Variants in MRPS11 observed in about 807,000 individuals in gnomAD.
MRPS11 encodes the protein small ribosomal subunit protein uS11m.
In MRPS11, 27 loss-of-function variants were observed where a neutral mutation model predicts 24.3. The ratio of observed to expected loss-of-function variants is 1.11; its 90% CI spans 0.82 to 1.53. The LOEUF (loss-of-function observed/expected upper bound fraction) is 1.53, where lower values mean the gene tolerates loss of function less well. Among genes scored for constraint, MRPS11 ranks in the 40% most tolerant of loss-of-function variants. The pLI is 0.00. For synonymous variants in MRPS11, 104 were observed against 98.7 expected (o/e 1.05, Z -0.32); for missense variants, 277 against 256.5 (o/e 1.08, Z -0.55).
rs763623238 is a variant in MRPS11 at position 88,478,018 on chromosome 15, C to T, written c.*39C>T. 3 of 1,522,138 alleles carry T rather than the reference C, an allele frequency of 2.0e-6. No homozygotes were observed. Among genetic ancestry groups the T allele is most frequent in the African/African-American group, 2.7e-5 (2 of 73,070 alleles). The allele number at this position is 1,522,138 out of a possible 1,614,324, so 94.3% of individuals were successfully genotyped here. A position where few individuals can be genotyped will look rare whatever the true frequency, so the allele number is the denominator to read the frequency against. On this transcript the variant is annotated 3_prime_UTR_variant, in exon 6 of 6. Coordinates refer to ENST00000325844, the MANE Select transcript of MRPS11 (RefSeq NM_022839.5). This position sits in a 1 kb window ranked among gnomAD's most constrained non-coding sequence, Gnocchi z 4.7. ...TGCACTTGGACCTGACCTCAAGCCT[C>T]AGCTCCAGTGGGACCTTGTAAAATG...
chr15:88,467,840 G>A lies in MRPS11; in HGVS notation c.65+58G>A, dbSNP rs114253630. ...CACCTCCAGGACTATGCTCCTACTCGTGTCCCTTGAGCCACCCGGGCCCCA... is the reference window on the plus strand; with the variant it reads ...CACCTCCAGGACTATGCTCCTACTCATGTCCCTTGAGCCACCCGGGCCCCA... On this transcript the variant is annotated intron_variant, in intron 1 of 5. Transcript: ENST00000325844. The A allele has an allele frequency of 2.3e-3, 3,660 of 1,612,954 alleles. 59 individuals carry two copies. The African/African-American group carries it at 0.041, about 18-fold the overall frequency.
chr15:88,474,513 C>T (rs1484974586), intron 3 of MRPS11, among the ~76,000 whole-genome samples: 12 of 150,094 alleles, frequency 8.0e-5, no homozygotes, highest in African/African-American at 1.8e-4. Context: ...GAGCCAAGAT[C>T]GTGCCATTGC....
Position 88,474,540 on chromosome 15 carries a change from CAA to C in MRPS11, c.282-569_282-568del, listed in dbSNP as rs2055781030. On this transcript the variant is annotated intron_variant, in intron 3 of 5. Coordinates refer to ENST00000325844, the MANE Select transcript of MRPS11 (RefSeq NM_022839.5). Reference sequence around the variant, plus strand: ...TGCCATTGCACTCCAGCCTGGGCAACAAGAGCAAAACTCCATCTCAAAAAAAA... The same window carrying C: ...TGCCATTGCACTCCAGCCTGGGCAACGAGCAAAACTCCATCTCAAAAAAAA... Among the ~76,000 whole-genome samples, 3 of 145,158 alleles carry C rather than the reference CAA, an allele frequency of 2.1e-5. No homozygotes were observed. In the South Asian group the frequency reaches 6.4e-4, roughly 31 times the overall value.
At chr15:88,468,508 A>C in intron 2 of MRPS11, 1 of 989,822 alleles carries the variant, frequency 1.0e-6, no homozygotes, top group Non-Finnish European at 1.2e-6. Context: ...ACATCCACTT[A>C]ACTTCACATC....
chr15:88,474,197 AAAAG>A (rs1199960977), intron 3 of MRPS11, among the ~76,000 whole-genome samples: 1 of 149,466 alleles, frequency 6.7e-6, no homozygotes, highest in Non-Finnish European at 1.5e-5. Context: ...AAAAAAGAAA[AAAAG>A]AGAAAAGTTT....
At position 88,472,676 on chromosome 15, in the gene MRPS11, A is replaced by C; in HGVS notation, c.232A>C (p.Lys78Gln). Residue 78 changes from lysine (K) to glutamine (Q), a missense_variant, in exon 3 of 6, where the codon AAG becomes CAG. Coordinates refer to ENST00000325844, the MANE Select transcript of MRPS11 (RefSeq NM_022839.5). ...GEESSLRWAGKKFEEIPIAHI... is the reference protein window; with the variant it reads ...GEESSLRWAGQKFEEIPIAHI... ...GGAGAGCTCTCTGAGGTGGGCAGGA[A>C]AGAAATTTGAGGAGATCCCAATTGC... is the stretch of plus-strand genomic sequence containing the variant. The C allele has an allele frequency of 4.3e-6, 7 of 1,614,140 alleles. No individual in the cohort carries two copies. The highest frequency in any genetic ancestry group is 5.9e-6 in the Non-Finnish European group (7 of 1,180,002).
Position 88,477,579 on chromosome 15 carries a change from C to G in MRPS11, c.478-293C>G, listed in dbSNP as rs541934264. ...GAGTAAGCTACAGAAGTATGATACC[C>G]AAGGTGTGCCAAGGTCTACAAGAAG... On this transcript the variant is annotated intron_variant, in intron 5 of 5. Coordinates refer to ENST00000325844, the MANE Select transcript of MRPS11 (RefSeq NM_022839.5). This position sits in a 1 kb window ranked among gnomAD's most constrained non-coding sequence, Gnocchi z 5.7. Among the ~76,000 whole-genome samples, 12 of 152,248 alleles carry G rather than the reference C, an allele frequency of 7.9e-5. No individual in the cohort carries two copies. The highest frequency in any genetic ancestry group is 3.9e-4 in the Admixed American group (6 of 15,298).
intron 2 of MRPS11, chr15:88,468,535 A>T (rs1192955834): frequency 4.0e-6 from 4 of 987,842 alleles, no homozygotes; most frequent in African/African-American, 1.7e-5. Context: ...ACAAACATTT[A>T]CCAAGAATCT....
At chr15:88,474,325 C>T (rs1437362295) in intron 3 of MRPS11, among the ~76,000 whole-genome samples, 1 of 152,168 alleles carries the variant, frequency 6.6e-6, no homozygotes, top group African/African-American at 2.4e-5. Flanking sequence ...TTTGGGAGGC[C>T]AAGGCGGGCA....
intron 4 of MRPS11, among the ~76,000 whole-genome samples, chr15:88,476,217 A>G (rs141077483): frequency 0.018 from 2,702 of 152,286 alleles, 56 homozygotes; most frequent in African/African-American, 0.048. Context: ...TCATAAGCCA[A>G]TTGAGATTCA....
intron 3 of MRPS11, among the ~76,000 whole-genome samples, chr15:88,473,806 G>A: frequency 6.6e-6 from 1 of 152,210 alleles, no homozygotes; most frequent in Admixed American, 6.5e-5. Context: ...GAAATAGGAT[G>A]ATGATGACTA....
chr15:88,476,463 A>G (rs1298719187), intron 4 of MRPS11, among the ~76,000 whole-genome samples: 1 of 152,182 alleles, frequency 6.6e-6, no homozygotes, highest in African/African-American at 2.4e-5. Flanking sequence ...TAAATGCCCA[A>G]CCATGGACAG....
intron 4 of MRPS11, 107 bp from the exon 5 acceptor site, chr15:88,476,882 A>T: frequency 9.1e-7 from 1 of 1,096,594 alleles, no homozygotes; most frequent in South Asian, 1.4e-5. Flanking sequence ...ACTTCTCTGG[A>T]TGCCCTTTCC....
intron 2 of MRPS11, chr15:88,468,869 G>A (rs1274175407): frequency 6.6e-6 from 1 of 152,150 alleles, no homozygotes; most frequent in Non-Finnish European, 1.5e-5. Context: ...AACTAGCCAG[G>A]CGTGATGTCT....
At chr15:88,470,079 G>C (rs1352453253) in intron 2 of MRPS11, among the ~76,000 whole-genome samples, 1 of 152,164 alleles carries the variant, frequency 6.6e-6, no homozygotes, top group Non-Finnish European at 1.5e-5. Flanking sequence ...CACTTTGGGA[G>C]GCCGAGGCAG....
chr15:88,471,817 T>C lies in MRPS11; in HGVS notation c.183-810T>C, dbSNP rs1424998915. On this transcript the variant is annotated intron_variant, in intron 2 of 5. Transcript: ENST00000325844. ...GAACGCAACACAATGTGTTCACATC[T>C]GATTCTATTGGGACATTTGCAACAT... 2.6e-5 allele frequency among the ~76,000 whole-genome samples: 4 copies of C among 152,236 alleles called. No individual in the cohort carries two copies. The East Asian group carries it at 7.7e-4, about 29-fold the overall frequency.
chr15:88,468,265 A>T (rs2055598276), intron 2 of MRPS11: 9 of 1,340,862 alleles, frequency 6.7e-6, no homozygotes, highest in Non-Finnish European at 8.7e-6. Flanking sequence ...TAAATCAATG[A>T]GTGAATGTGA....
At chr15:88,472,287 A>G (rs1207516771) in intron 2 of MRPS11, 5 of 197,710 alleles carry the variant, frequency 2.5e-5, no homozygotes, top group Non-Finnish European at 5.2e-5. Flanking sequence ...GTTTGACTGT[A>G]TTTTTTAAAT....
intron 2 of MRPS11, among the ~76,000 whole-genome samples, chr15:88,471,693 A>G (rs1197896890): frequency 6.6e-6 from 1 of 152,218 alleles, no homozygotes; most frequent in Non-Finnish European, 1.5e-5. Flanking sequence ...GGCATTCTTA[A>G]TTGTATTAAT....
Sources: gnomAD v4.1 joint callset for allele counts (sites outside exome capture counted in the v4.1 genomes callset) on GRCh38, gnomAD v4.1.1 for gene constraint, Gnocchi (gnomAD v3.1) non-coding constraint, MANE v1.5 for transcripts, NCBI Gene and HGNC (gene_info 2026-07-23, HGNC 2026-07-21) for gene names.